Variants in ARHGEF10 observed in about 807,000 individuals in gnomAD.
ARHGEF10 encodes Rho guanine nucleotide exchange factor (GEF) 10.
ARHGEF10 carries 140 observed loss-of-function variants against 147.4 expected under a neutral mutation model. The observed-to-expected ratio is 0.95, with a 90% CI of 0.83 to 1.09. ARHGEF10 has a LOEUF of 1.09. ARHGEF10 is among the 50% of genes least tolerant of loss of function. ARHGEF10 has a pLI of 0.00. For synonymous variants in ARHGEF10, 902 were observed against 695.8 expected (o/e 1.30, Z -4.67); for missense variants, 2,222 against 1,752.7 (o/e 1.27, Z -4.78).
At chr8:1,904,846 T>G (rs1810755804) in intron 16 of ARHGEF10, among the ~76,000 whole-genome samples, 2 of 152,044 alleles carry the variant, frequency 1.3e-5, no homozygotes, top group African/African-American at 4.8e-5. Flanking sequence ...ATTGGCCGGG[T>G]GCAGTGGCTC....
intron 18 of ARHGEF10, among the ~76,000 whole-genome samples, chr8:1,917,005 CGAA>C (rs1811807377): frequency 6.6e-6 from 1 of 152,206 alleles, no homozygotes; most frequent in African/African-American, 2.4e-5. Flanking sequence ...AATTCTGAAT[CGAA>C]GTCATTTAAA....
Position 1,956,775 on chromosome 8 carries a change from C to T in ARHGEF10, c.3547C>T (p.His1183Tyr). The change falls in exon 29 of 29, where the codon CAC becomes TAC. Residue 1183 changes from histidine (H) to tyrosine (Y), a missense_variant. Coordinates refer to ENST00000349830, the MANE Select transcript of ARHGEF10 (RefSeq NM_014629.4). ...TGRGMVSYHA[H>Y]NSPVKFIVLA... ...AAGAGGCATGGTCTCCTACCATGCA[C>T]ACAACAGTCCTGTCAAATTCATCGT... 1 of 1,614,006 alleles carries T rather than the reference C, an allele frequency of 6.2e-7. No homozygotes were observed. The highest frequency in any genetic ancestry group is 8.5e-7 in the Non-Finnish European group (1 of 1,180,040).
chr8:1,950,528 T>G (rs892139026), intron 27 of ARHGEF10, among the ~76,000 whole-genome samples: 4 of 150,076 alleles, frequency 2.7e-5, no homozygotes, highest in Non-Finnish European at 4.4e-5. Flanking sequence ...TATTATTTAT[T>G]TATTTATTTA....
intron 5 of ARHGEF10, among the ~76,000 whole-genome samples, chr8:1,865,195 G>A (rs527984725): frequency 3.3e-5 from 5 of 152,368 alleles, no homozygotes; most frequent in South Asian, 4.1e-4. Flanking sequence ...CCTTGGTGAT[G>A]TGATAAGTTC....
At chr8:1,871,755 T>C (rs944912911) in intron 7 of ARHGEF10, among the ~76,000 whole-genome samples, 18 of 152,098 alleles carry the variant, frequency 1.2e-4, no homozygotes, top group Admixed American at 6.6e-4. Flanking sequence ...AGGTGGAGGT[T>C]GCGGTGAGCC....
At position 1,909,359 on chromosome 8, in the gene ARHGEF10, G is replaced by A. The variant is rs1328588508; in HGVS notation, c.2032G>A (p.Gly678Arg). The change falls in exon 18 of 29, where the codon GGA (glycine) becomes AGA (arginine). Residue 678 changes from glycine (G) to arginine (R), a missense_variant. Coordinates refer to ENST00000349830, the MANE Select transcript of ARHGEF10 (RefSeq NM_014629.4). ...CTTGCTGAAGTGGAGCGTTCCACTG[G>A]GACATGTGGACGCCATCGAGTATGG... ...RYLLKWSVPL[G>R]HVDAIEYGSS... 1.9e-6 allele frequency: 3 copies of A among 1,614,228 alleles called. No individual in the cohort carries two copies. In the South Asian group the frequency reaches 3.3e-5, roughly 18 times the overall value.
intron 18 of ARHGEF10, among the ~76,000 whole-genome samples, chr8:1,915,651 G>A (rs118109878): frequency 6.6e-6 from 1 of 152,250 alleles, no homozygotes; most frequent in Non-Finnish European, 1.5e-5. Flanking sequence ...CCGTCACTGT[G>A]TCTGTTTATA....
At chr8:1,861,257 C>T (rs888659784) in intron 4 of ARHGEF10, among the ~76,000 whole-genome samples, 1 of 152,206 alleles carries the variant, frequency 6.6e-6, no homozygotes, top group Admixed American at 6.5e-5. Context: ...CATGTGTAGT[C>T]ACGCACCAGC....
At chr8:1,905,741 A>T in intron 17 of ARHGEF10, 25 bp downstream of exon 17, 1 of 1,611,538 alleles carries the variant, frequency 6.2e-7, no homozygotes, top group Non-Finnish European at 8.5e-7. Flanking sequence ...TCTCTATAGT[A>T]GTCCTACCAT....
chr8:1,843,528 C>A (rs1804258431), intron 2 of ARHGEF10, 92 bp downstream of exon 2: 1 of 965,894 alleles, frequency 1.0e-6, no homozygotes, highest in Non-Finnish European at 1.6e-6. Flanking sequence ...AATTGCTGGT[C>A]ACTGGGGTAT....
In ARHGEF10 at chr8:1,948,008, C is replaced by T. The variant is rs2129280584; in HGVS notation, c.3397+2353C>T. On this transcript the variant is annotated intron_variant, in intron 27 of 28. Transcript: ENST00000349830. This position sits in a 1 kb window ranked among gnomAD's most constrained non-coding sequence, Gnocchi z 4.9. ...CAGGTCGCAGGTTCTGGCTAAATCG[C>T]AGCTGCCTGTGTTGCGTGTTTTGGA... is the stretch of plus-strand genomic sequence containing the variant. Among the ~76,000 whole-genome samples, 1 of 152,150 alleles carries T rather than the reference C, an allele frequency of 6.6e-6. No individual in the cohort carries two copies. Among genetic ancestry groups the T allele is most frequent in the East Asian group, 1.9e-4 (1 of 5,146 alleles).
At chr8:1,915,315 A>G (rs1176516689) in intron 18 of ARHGEF10, among the ~76,000 whole-genome samples, 1 of 152,256 alleles carries the variant, frequency 6.6e-6, no homozygotes, top group Non-Finnish European at 1.5e-5. Flanking sequence ...AAACAGTCAC[A>G]TCACAGATTC....
At chr8:1,859,283 T>G (rs73176777) in intron 3 of ARHGEF10, among the ~76,000 whole-genome samples, 2 of 121,098 alleles carry the variant, frequency 1.7e-5, no homozygotes, top group African/African-American at 6.2e-5. Flanking sequence ...GTTGTTTGCA[T>G]GGTGTTTCTT....
chr8:1,905,335 C>A (rs1489353578), intron 16 of ARHGEF10, among the ~76,000 whole-genome samples: 1 of 152,164 alleles, frequency 6.6e-6, no homozygotes, highest in Non-Finnish European at 1.5e-5. Flanking sequence ...CAATTCCTTG[C>A]ATTCCTCACC....
At chr8:1,944,183 G>T (rs1395704601) in intron 26 of ARHGEF10, among the ~76,000 whole-genome samples, 1 of 151,108 alleles carries the variant, frequency 6.6e-6, no homozygotes, top group Admixed American at 6.6e-5. Context: ...CCCGCACCGT[G>T]CTACCTCCCT....
At chr8:1,873,501 ATTTCC>A (rs1362068088) in intron 7 of ARHGEF10, among the ~76,000 whole-genome samples, 1 of 114,422 alleles carries the variant, frequency 8.7e-6, no homozygotes, top group Admixed American at 8.6e-5. Context: ...GTGCACCCGC[ATTTCC>A]TCGTTTGAGA....
intron 18 of ARHGEF10, among the ~76,000 whole-genome samples, chr8:1,910,714 A>G (rs1035748061): frequency 6.6e-6 from 1 of 152,192 alleles, no homozygotes; most frequent in East Asian, 1.9e-4. Context: ...AAAGATTTTT[A>G]AAAATCCTTT....
rs1815081719 is a variant in ARHGEF10 at position 1,951,918 on chromosome 8, G to GCCACTGTGAGGCGGGGTCTTCCCTGTAA, written c.3398-783_3398-782insTGTGAGGCGGGGTCTTCCCTGTAACCAC. On this transcript the variant is annotated intron_variant, in intron 27 of 28. Coordinates refer to ENST00000349830, the MANE Select transcript of ARHGEF10 (RefSeq NM_014629.4). ...GCAGTGAGGTGGGGTCTTCCTTGTA[G>GCCACTGTGAGGCGGGGTCTTCCCTGTAA]CCACCGTGAGGCGGGGTCTTCCCTG... 6.4e-4 allele frequency among the ~76,000 whole-genome samples: 86 copies of GCCACTGTGAGGCGGGGTCTTCCCTGTAA among 135,404 alleles called. 4 individuals carry two copies. The highest frequency in any genetic ancestry group is 5.6e-3 in the Admixed American group (78 of 13,826). 88.8% of individuals were successfully genotyped at this position (135,404 alleles called of 152,430 possible). A position where few individuals can be genotyped will look rare whatever the true frequency, so the allele number is the denominator to read the frequency against.
At chr8:1,882,099 C>T (rs1808250182) in intron 9 of ARHGEF10, among the ~76,000 whole-genome samples, 1 of 152,176 alleles carries the variant, frequency 6.6e-6, no homozygotes, top group Non-Finnish European at 1.5e-5. Flanking sequence ...CCCCGACCCT[C>T]CCTCAGGTGT....
Sources: allele counts gnomAD v4.1 joint callset (sites outside exome capture counted in the v4.1 genomes callset), GRCh38; gene constraint gnomAD v4.1.1; non-coding constraint Gnocchi (gnomAD v3.1); transcripts MANE v1.5; gene names NCBI Gene and HGNC (gene_info 2026-07-23, HGNC 2026-07-21).